KCTD8: variants seen among roughly 807,000 people sequenced by gnomAD.
KCTD8 encodes the protein BTB/POZ domain-containing protein KCTD8.
Under a neutral mutation model 31.5 loss-of-function variants are expected in KCTD8, and 27 were observed. That is an observed-to-expected ratio of 0.86 (90% confidence interval 0.63 to 1.18). KCTD8 has a LOEUF of 1.18. KCTD8 is among the 50% of genes most tolerant of loss of function. The pLI, the probability that KCTD8 is intolerant of heterozygous loss-of-function variation, is 0.00. For missense variants in KCTD8, 658 were observed against 647.7 expected (o/e 1.02, Z -0.17); for synonymous variants, 290 against 280.0 (o/e 1.04, Z -0.36).
intron 1 of KCTD8, among the ~76,000 whole-genome samples, chr4:44,229,742 A>G (rs1715064275): frequency 6.6e-6 from 1 of 152,134 alleles, no homozygotes; most frequent in Non-Finnish European, 1.5e-5. Context: ...AAATGAAAAC[A>G]AACAGACAAA....
At chr4:44,283,223 T>C (rs1243317393) in intron 1 of KCTD8, among the ~76,000 whole-genome samples, 3 of 151,970 alleles carry the variant, frequency 2.0e-5, no homozygotes, top group African/African-American at 7.2e-5. Flanking sequence ...CTAATTTTTG[T>C]ATTTTTAGTA....
chr4:44,294,613 G>A (rs992671806), intron 1 of KCTD8, among the ~76,000 whole-genome samples: 24 of 152,128 alleles, frequency 1.6e-4, no homozygotes, highest in Non-Finnish European at 3.1e-4. Context: ...TGATTTTCAT[G>A]ATAGCTTGTC....
intron 1 of KCTD8, among the ~76,000 whole-genome samples, chr4:44,360,999 C>T (rs1002686085): frequency 6.6e-6 from 1 of 151,930 alleles, no homozygotes; most frequent in Non-Finnish European, 1.5e-5. Context: ...TAGAATTTCC[C>T]TGAGAGCCAT....
intron 1 of KCTD8, among the ~76,000 whole-genome samples, chr4:44,323,911 G>A (rs1291750478): frequency 2.0e-5 from 3 of 151,864 alleles, no homozygotes; most frequent in African/African-American, 7.3e-5. Context: ...ACTGTTCTAG[G>A]AGGGATAGCA....
At chr4:44,181,844 C>T (rs545909028) in intron 1 of KCTD8, among the ~76,000 whole-genome samples, 123 of 150,322 alleles carry the variant, frequency 8.2e-4, no homozygotes, top group African/African-American at 2.8e-3. Flanking sequence ...ATGTGGGGAG[C>T]GCCTCTGCCC....
intron 1 of KCTD8, among the ~76,000 whole-genome samples, chr4:44,312,583 T>C (rs550488714): frequency 6.6e-6 from 1 of 152,296 alleles, no homozygotes; most frequent in South Asian, 2.1e-4. Flanking sequence ...CTGATGCACC[T>C]GGAAAGCAAA....
At chr4:44,193,843 AC>A (rs1288862311) in intron 1 of KCTD8, among the ~76,000 whole-genome samples, 1 of 152,132 alleles carries the variant, frequency 6.6e-6, no homozygotes, top group Non-Finnish European at 1.5e-5. Flanking sequence ...GTGAATTCAG[AC>A]CAATAAAAAG....
chr4:44,177,527 A>C (rs7671324), intron 1 of KCTD8, among the ~76,000 whole-genome samples: 9,882 of 152,146 alleles, frequency 0.065, 406 homozygotes, highest in East Asian at 0.13. Flanking sequence ...GTGGGAGGTA[A>C]TTGAATCATG....
intron 1 of KCTD8, among the ~76,000 whole-genome samples, chr4:44,383,119 A>T (rs1276712899): frequency 6.6e-6 from 1 of 151,904 alleles, no homozygotes; most frequent in African/African-American, 2.4e-5. Context: ...CCAAGGAGAT[A>T]AAAGATCTCT....
chr4:44,356,134 C>T (rs1306301585), intron 1 of KCTD8, among the ~76,000 whole-genome samples: 2 of 152,172 alleles, frequency 1.3e-5, no homozygotes, highest in Non-Finnish European at 2.9e-5. Context: ...TCAACTTATT[C>T]TGAATCTTTC....
At chr4:44,197,269 C>T (rs1713974469) in intron 1 of KCTD8, among the ~76,000 whole-genome samples, 1 of 152,136 alleles carries the variant, frequency 6.6e-6, no homozygotes, top group African/African-American at 2.4e-5. Context: ...TGCCTCCCTC[C>T]ACAGGGCAAG....
chr4:44,353,923 A>T (rs943582406), intron 1 of KCTD8, among the ~76,000 whole-genome samples: 3 of 152,148 alleles, frequency 2.0e-5, no homozygotes, highest in Non-Finnish European at 4.4e-5. Flanking sequence ...CAGTTATGTT[A>T]CTGGGGTTGG....
At chr4:44,194,744 C>A (rs1182121226) in intron 1 of KCTD8, among the ~76,000 whole-genome samples, 1 of 121,228 alleles carries the variant, frequency 8.2e-6, no homozygotes, top group Non-Finnish European at 1.7e-5. Context: ...TATTTTCTCT[C>A]TCCCTTCCCT....
rs1470126551 is a variant in KCTD8, at chr4:44,233,734, T to A, written c.962-58484A>T. 3.9e-5 allele frequency among the ~76,000 whole-genome samples: 6 copies of A among 152,232 alleles called. No homozygotes were observed. The East Asian group carries it at 1.2e-3, about 29-fold the overall frequency. ...AATATAATTTACCACAAGAATTCTA[T>A]TATTCTCTGAAAAAGAAAAACCATA... is the stretch of plus-strand genomic sequence containing the variant. On this transcript the variant is annotated intron_variant, in intron 1 of 1. Coordinates refer to ENST00000360029, the MANE Select transcript of KCTD8 (RefSeq NM_198353.3).
chr4:44,315,639 A>G lies in KCTD8; in HGVS notation c.961+131924T>C, dbSNP rs143562197. Reference sequence around the variant, plus strand: ...CTCCCTAAAATGATTGTTTTCACAGAGTAAATATACATAATGATATTTCTT... The same window carrying G: ...CTCCCTAAAATGATTGTTTTCACAGGGTAAATATACATAATGATATTTCTT... On this transcript the variant is annotated intron_variant, in intron 1 of 1. Coordinates refer to ENST00000360029, the MANE Select transcript of KCTD8 (RefSeq NM_198353.3). 5.4e-3 allele frequency among the ~76,000 whole-genome samples: 819 copies of G among 152,156 alleles called. 12 individuals are homozygous for G. The highest frequency in any genetic ancestry group is 0.018 in the African/African-American group (761 of 41,554).
intron 1 of KCTD8, among the ~76,000 whole-genome samples, chr4:44,373,377 T>C (rs1210749521): frequency 1.3e-5 from 2 of 150,292 alleles, no homozygotes; most frequent in African/African-American, 4.9e-5. Flanking sequence ...AAAAGGCCAA[T>C]AGAGTACTGT....
intron 1 of KCTD8, among the ~76,000 whole-genome samples, chr4:44,395,473 C>T (rs1196087167): frequency 6.6e-6 from 1 of 152,100 alleles, no homozygotes; most frequent in African/African-American, 2.4e-5. Context: ...CATCCTAAAT[C>T]ACACACCCAC....
At chr4:44,366,426 C>T (rs1170107580) in intron 1 of KCTD8, among the ~76,000 whole-genome samples, 2 of 152,158 alleles carry the variant, frequency 1.3e-5, no homozygotes, top group Admixed American at 6.5e-5. Flanking sequence ...CTTCCCCCTT[C>T]GCTCTCTCTA....
chr4:44,426,501 CA>C lies in KCTD8; in HGVS notation c.961+21061del, dbSNP rs1483472135. On this transcript the variant is annotated intron_variant, in intron 1 of 1. Coordinates refer to ENST00000360029, the MANE Select transcript of KCTD8 (RefSeq NM_198353.3). ...GAAAGAGAGAGATAATAGAAATAAC[CA>C]AAAAACAGAAGTTGACAGAGAAATA... 1.4e-4 allele frequency among the ~76,000 whole-genome samples: 21 copies of C among 151,132 alleles called. No individual in the cohort carries two copies. The East Asian group carries it at 3.5e-3, about 25-fold the overall frequency.
Sources: allele counts gnomAD v4.1 joint callset (sites outside exome capture counted in the v4.1 genomes callset), GRCh38; gene constraint gnomAD v4.1.1; transcripts MANE v1.5; gene names NCBI Gene and HGNC (gene_info 2026-07-23, HGNC 2026-07-21).